Variants in ALG11 observed in about 807,000 individuals in gnomAD.
The protein encoded by ALG11 is ALG11 alpha-1,2-mannosyltransferase.
Under a neutral mutation model 38.8 loss-of-function variants are expected in ALG11, and 26 were observed. That is an observed-to-expected ratio of 0.67 (90% CI 0.49 to 0.93). The LOEUF is 0.93. ALG11 is among the 40% of genes least tolerant of loss of function. The pLI, the probability that ALG11 is intolerant of heterozygous loss-of-function variation, is 0.00. For synonymous variants in ALG11, 199 were observed against 211.6 expected (o/e 0.94, Z 0.52); for missense variants, 535 against 578.8 (o/e 0.92, Z 0.78).
chr13:52,030,559 A>C lies in ALG11; in HGVS notation c.*1969A>C. On this transcript the variant is annotated 3_prime_UTR_variant, in exon 4 of 4. Transcript: ENST00000521508. ...CAATAATAGAGGAGCTGGAAGATGA[A>C]GAGGAGAGAGACCAAAGGCAGATGA... The C allele has an allele frequency of 6.2e-7, 1 of 1,614,190 alleles. No homozygotes were observed. The highest frequency in any genetic ancestry group is 1.1e-5 in the South Asian group (1 of 91,090).
rs1416945019 is a variant in ALG11 at position 52,031,238 on chromosome 13, AG to A, written c.*2649del. 2 of 1,334,720 alleles carry A rather than the reference AG, an allele frequency of 1.5e-6. No individual in the cohort carries two copies. Among genetic ancestry groups the A allele is most frequent in the Non-Finnish European group, 1.0e-6 (1 of 990,336 alleles). 82.7% of individuals were successfully genotyped at this position (1,334,720 alleles called of 1,614,324 possible). A position where few individuals can be genotyped will look rare whatever the true frequency, so the allele number is the denominator to read the frequency against. ...TAGTTGAGCCACATTTTTTAAAAAA[AG>A]AAAATGGATGACCATTAATTGACTA... On this transcript the variant is annotated 3_prime_UTR_variant, in exon 4 of 4. Coordinates refer to ENST00000521508, the MANE Select transcript of ALG11 (RefSeq NM_001004127.3).
chr13:52,013,033 T>C (rs2140819051), intron 1 of ALG11, among the ~76,000 whole-genome samples: 1 of 152,350 alleles, frequency 6.6e-6, no homozygotes, highest in South Asian at 2.1e-4. Context: ...TATATGCTGT[T>C]TCTTCTAGAA....
In ALG11 at chr13:52,030,044, G is replaced by A. The variant is rs1954283151; in HGVS notation, c.*1454G>A. 1 of 1,614,126 alleles carries A rather than the reference G, an allele frequency of 6.2e-7. No homozygotes were observed. Among genetic ancestry groups the A allele is most frequent in the Admixed American group, 1.7e-5 (1 of 60,010 alleles). On this transcript the variant is annotated 3_prime_UTR_variant, in exon 4 of 4. Transcript: ENST00000521508. ...TGAGGCAGAAGAAAGACCAGTGGCA[G>A]AGGAAGAAATTTTGTTGAGAGAATT...
At chr13:52,022,455 C>T (rs1390300620) in intron 2 of ALG11, 1 of 152,174 alleles carries the variant, frequency 6.6e-6, no homozygotes, top group Non-Finnish European at 1.5e-5. Context: ...TTTTAAAAGG[C>T]TCATTCTTGC....
intron 1 of ALG11, chr13:52,016,687 G>A (rs369660523): frequency 2.0e-5 from 3 of 152,374 alleles, no homozygotes; most frequent in African/African-American, 7.2e-5. Flanking sequence ...TGGAAATTTG[G>A]GAACCTCTAC....
chr13:52,026,884 G>T (rs1484122287), intron 3 of ALG11, among the ~76,000 whole-genome samples: 1 of 152,212 alleles, frequency 6.6e-6, no homozygotes, highest in East Asian at 1.9e-4. Flanking sequence ...TCCCGTGGAT[G>T]TGGTTAAGAT....
At position 52,019,052 on chromosome 13, in the gene ALG11, C is replaced by T. The variant is rs1252011005; in HGVS notation, c.184C>T (p.Gln62Ter). The T allele has an allele frequency of 2.5e-6, 4 of 1,613,894 alleles. No homozygotes were observed. The highest frequency in any genetic ancestry group is 3.4e-6 in the Non-Finnish European group (4 of 1,179,974). The part of the protein sequence containing the change: ...LVSTSKNGKN[Q>*]MVIAFFHPYC... ...GTCAACTAGCAAAAATGGGAAAAAT[C>T]AAATGGTGATTGCATTTTTTCATCC... is the stretch of plus-strand genomic sequence containing the variant. Residue 62 changes from glutamine to a stop codon, truncating the protein, a stop_gained, in exon 2 of 4, where the codon CAA becomes TAA. Coordinates refer to ENST00000521508, the MANE Select transcript of ALG11 (RefSeq NM_001004127.3). LOFTEE classifies it high-confidence loss of function.
Position 52,024,166 on chromosome 13 carries a change from C to A in ALG11, c.436C>A (p.His146Asn), listed in dbSNP as rs771610581. Reference protein sequence around the residue: ...RYLVEDSLYPHFTLLGQSLGS... With the variant: ...RYLVEDSLYPNFTLLGQSLGS... Reference sequence around the variant, plus strand: ...TCTTGTGGAAGATTCACTGTATCCTCACTTCACACTGCTGGGCCAAAGTCT... The same window carrying A: ...TCTTGTGGAAGATTCACTGTATCCTAACTTCACACTGCTGGGCCAAAGTCT... Residue 146 changes from histidine (H) to asparagine (N), a missense_variant, in exon 3 of 4, where the codon CAC becomes AAC. Transcript: ENST00000521508. 1.2e-6 allele frequency: 2 copies of A among 1,614,090 alleles called. No homozygotes were observed. Among genetic ancestry groups the A allele is most frequent in the Non-Finnish European group, 1.7e-6 (2 of 1,180,010 alleles).
At chr13:52,022,135 T>A (rs926115565) in intron 2 of ALG11, 4 of 152,126 alleles carry the variant, frequency 2.6e-5, no homozygotes, top group African/African-American at 9.7e-5. Context: ...GGAGGCCAAG[T>A]CTGGCAGATC....
chr13:52,030,445 T>C lies in ALG11; in HGVS notation c.*1855T>C. ...CCCCAAATAATCGGCCTGATGCCCCTAAGGAGAAGAAAGAGAAGGAGCAAC... is the reference window on the plus strand; with the variant it reads ...CCCCAAATAATCGGCCTGATGCCCCCAAGGAGAAGAAAGAGAAGGAGCAAC... On this transcript the variant is annotated 3_prime_UTR_variant, in exon 4 of 4. Transcript: ENST00000521508. The C allele has an allele frequency of 6.2e-7, 1 of 1,614,160 alleles. No homozygotes were observed. The highest frequency in any genetic ancestry group is 8.5e-7 in the Non-Finnish European group (1 of 1,180,038).
At position 52,032,788 on chromosome 13, in the gene ALG11, T is replaced by C. The variant is rs896302816; in HGVS notation, c.*4198T>C. The C allele has an allele frequency of 6.0e-6, 1 of 167,204 alleles. No homozygotes were observed. Among genetic ancestry groups the C allele is most frequent in the Admixed American group, 6.5e-5 (1 of 15,308 alleles). The allele number at this position is 167,204 out of a possible 1,614,324, so 10.4% of individuals were successfully genotyped here. A position where few individuals can be genotyped will look rare whatever the true frequency, so the allele number is the denominator to read the frequency against. On this transcript the variant is annotated 3_prime_UTR_variant, in exon 4 of 4. Coordinates refer to ENST00000521508, the MANE Select transcript of ALG11 (RefSeq NM_001004127.3). ...GGAACCCTACAGATTAGCCCAGTTCTCTCTTATTTTCAGCTTTACAGACAA... is the reference window on the plus strand; with the variant it reads ...GGAACCCTACAGATTAGCCCAGTTCCCTCTTATTTTCAGCTTTACAGACAA...
At chr13:52,021,274 C>G (rs1954181342) in intron 2 of ALG11, 1 of 152,250 alleles carries the variant, frequency 6.6e-6, no homozygotes. Context: ...TGTTAGCTCA[C>G]TTGATCCTCA....
intron 3 of ALG11, among the ~76,000 whole-genome samples, chr13:52,026,059 C>T (rs1008140306): frequency 1.3e-5 from 2 of 152,224 alleles, no homozygotes; most frequent in Non-Finnish European, 2.9e-5. Context: ...CTGGTGGTAC[C>T]AACAGGCTAC....
At chr13:52,012,612 T>C in intron 1 of ALG11, 150 bp downstream of exon 1, 1 of 1,108,204 alleles carries the variant, frequency 9.0e-7, no homozygotes, top group African/African-American at 1.6e-5. Flanking sequence ...TTCTTTTTCT[T>C]GGGGGTCTTC....
At chr13:52,012,489 A>G (rs1954078839) in intron 1 of ALG11, 27 bp downstream of exon 1, 2 of 1,613,900 alleles carry the variant, frequency 1.2e-6, no homozygotes, top group African/African-American at 2.7e-5. Flanking sequence ...GTGGGCTCAC[A>G]GACGTTTTCT....
At chr13:52,018,130 G>A (rs960131123) in intron 1 of ALG11, among the ~76,000 whole-genome samples, 8 of 152,110 alleles carry the variant, frequency 5.3e-5, no homozygotes, top group African/African-American at 1.4e-4. Flanking sequence ...TTTTGCATCC[G>A]TCATATATTC....
At position 52,029,604 on chromosome 13, in the gene ALG11, T is replaced by C. The variant is rs1348566160; in HGVS notation, c.*1014T>C. The C allele has an allele frequency of 6.2e-7, 1 of 1,614,120 alleles. No individual in the cohort carries two copies. The highest frequency in any genetic ancestry group is 1.3e-5 in the African/African-American group (1 of 74,996). ...AAGGCCAAGAAAGCCTTAAAAGAGTTTGAGCAGCTACAGAAGGTTAATCCA... is the reference window on the plus strand; with the variant it reads ...AAGGCCAAGAAAGCCTTAAAAGAGTCTGAGCAGCTACAGAAGGTTAATCCA... On this transcript the variant is annotated 3_prime_UTR_variant, in exon 4 of 4. Transcript: ENST00000521508.
At chr13:52,015,320 C>A (rs1228515555) in intron 1 of ALG11, among the ~76,000 whole-genome samples, 2 of 152,142 alleles carry the variant, frequency 1.3e-5, no homozygotes, top group South Asian at 4.1e-4. Context: ...GCAGGAGGAT[C>A]GCTTGAGCCA....
chr13:52,014,766 T>C (rs1317013417), intron 1 of ALG11, among the ~76,000 whole-genome samples: 1 of 152,174 alleles, frequency 6.6e-6, no homozygotes, highest in Non-Finnish European at 1.5e-5. Context: ...CTACTAAATA[T>C]AATACATAGG....
Sources: allele counts gnomAD v4.1 joint callset (sites outside exome capture counted in the v4.1 genomes callset), GRCh38; gene constraint gnomAD v4.1.1; transcripts MANE v1.5; gene names NCBI Gene and HGNC (gene_info 2026-07-23, HGNC 2026-07-21).